ERMP1: variants seen among roughly 807,000 people sequenced by gnomAD.
ERMP1 encodes the protein endoplasmic reticulum metallopeptidase 1, also known as Felix-ina.
In ERMP1, 86 loss-of-function variants were observed where a neutral mutation model predicts 92.0. That is an observed-to-expected ratio of 0.93 (90% CI 0.79 to 1.12). The LOEUF (loss-of-function observed/expected upper bound fraction) is 1.12, where lower values mean the gene tolerates loss of function less well. Among genes scored for constraint, ERMP1 ranks in the 50% most tolerant of loss-of-function variants. The pLI is 0.00. For missense variants in ERMP1, 1,342 were observed against 1,116.3 expected (o/e 1.20, Z -2.88); for synonymous variants, 530 against 412.8 (o/e 1.28, Z -3.44).
chr9:5,797,946 A>G lies in ERMP1; in HGVS notation c.2271-14T>C. On this transcript the variant is annotated splice_polypyrimidine_tract_variant and intron_variant, in intron 12 of 14. Transcript: ENST00000339450. Reference sequence around the variant, plus strand: ...TACCAGTTTTTCCTATTTAGAAAGGAAGCTTCAGTTTTAGGGTGCTTTATT... The same window carrying G: ...TACCAGTTTTTCCTATTTAGAAAGGGAGCTTCAGTTTTAGGGTGCTTTATT... 1 of 1,544,610 alleles carries G rather than the reference A, an allele frequency of 6.5e-7. No homozygotes were observed. The highest frequency in any genetic ancestry group is 1.1e-5 in the South Asian group (1 of 89,280).
In ERMP1 at chr9:5,787,011, T is replaced by A; in HGVS notation, c.*133A>T. ...TATAGTGCTTGGCCCTGAAAAGCGT[T>A]AACCCAGAAAGCTCTTTGAACATAT... On this transcript the variant is annotated 3_prime_UTR_variant, in exon 15 of 15. Transcript: ENST00000339450. 1 of 918,322 alleles carries A rather than the reference T, an allele frequency of 1.1e-6. No individual in the cohort carries two copies. Among genetic ancestry groups the A allele is most frequent in the Non-Finnish European group, 1.6e-6 (1 of 625,442 alleles). The allele number at this position is 918,322 out of a possible 1,614,324, so 56.9% of individuals were successfully genotyped here.
intron 6 of ERMP1, among the ~76,000 whole-genome samples, chr9:5,843,993 C>G (rs1033951355): frequency 6.6e-6 from 1 of 152,130 alleles, no homozygotes; most frequent in Non-Finnish European, 1.5e-5. Flanking sequence ...CTGGCCAATA[C>G]CGGCACAGAC....
intron 5 of ERMP1, among the ~76,000 whole-genome samples, chr9:5,864,475 C>A (rs1412024234): frequency 1.3e-5 from 2 of 152,198 alleles, no homozygotes; most frequent in African/African-American, 2.4e-5. Flanking sequence ...ATTAATAGCA[C>A]TTTTGTTGAG....
chr9:5,797,475 C>T (rs1207765100), intron 13 of ERMP1, among the ~76,000 whole-genome samples: 1 of 152,004 alleles, frequency 6.6e-6, no homozygotes, highest in African/African-American at 2.4e-5. Context: ...TGGTGAAACC[C>T]TGTCTCTACT....
chr9:5,809,517 CAGTG>C (rs1163460645), intron 8 of ERMP1, among the ~76,000 whole-genome samples: 3 of 152,170 alleles, frequency 2.0e-5, no homozygotes, highest in African/African-American at 4.8e-5. Flanking sequence ...AAAGAAAAAA[CAGTG>C]AGGGAAAAAC....
intron 6 of ERMP1, among the ~76,000 whole-genome samples, chr9:5,859,253 C>G (rs1183182710): frequency 2.1e-5 from 2 of 93,996 alleles, no homozygotes; most frequent in South Asian, 4.4e-4. Context: ...GAATACTCTC[C>G]TTGGCAAAGA....
intron 14 of ERMP1, 28 bp downstream of exon 14, chr9:5,787,402 G>C (rs1362746564): frequency 6.2e-7 from 1 of 1,608,974 alleles, no homozygotes; most frequent in Non-Finnish European, 8.5e-7. Context: ...CCTAATCAAT[G>C]AAACAAACAA....
intron 4 of ERMP1, 52 bp downstream of exon 4, chr9:5,823,844 T>G: frequency 7.7e-7 from 1 of 1,291,222 alleles, no homozygotes; most frequent in South Asian, 1.3e-5. Flanking sequence ...AACTTTCTAC[T>G]TTTACAAAAA....
intron 6 of ERMP1, among the ~76,000 whole-genome samples, chr9:5,848,629 C>A (rs1245191939): frequency 6.6e-6 from 1 of 152,088 alleles, no homozygotes; most frequent in Non-Finnish European, 1.5e-5. Context: ...ATTTAGGGAA[C>A]TAATTATTTT....
upstream of ERMP1, among the ~76,000 whole-genome samples, chr9:5,835,461 T>A (rs1263203432): frequency 6.6e-6 from 1 of 152,220 alleles, no homozygotes; most frequent in Admixed American, 6.5e-5. Context: ...ATTAGGGTGA[T>A]CAGAGATGGT....
At chr9:5,842,267 T>C (rs1426996965) in intron 6 of ERMP1, among the ~76,000 whole-genome samples, 4 of 151,992 alleles carry the variant, frequency 2.6e-5, no homozygotes, top group Non-Finnish European at 5.9e-5. Context: ...AGAGTGATGA[T>C]TGGTGCATTT....
rs1373950544 is a variant in ERMP1, at chr9:5,809,619, G to C, written c.1548+392C>G. 2.0e-5 allele frequency among the ~76,000 whole-genome samples: 3 copies of C among 152,190 alleles called. No individual in the cohort carries two copies. In the South Asian group the frequency reaches 6.2e-4, roughly 32 times the overall value. On this transcript the variant is annotated intron_variant, in intron 8 of 14. Transcript: ENST00000339450. ...GTGTCAGACACTACCTAAGCACAGAGGATACAGAAATAAATAAAACAATCC... is the reference window on the plus strand; with the variant it reads ...GTGTCAGACACTACCTAAGCACAGACGATACAGAAATAAATAAAACAATCC...
chr9:5,829,791 A>G (rs1007310426), intron 2 of ERMP1, among the ~76,000 whole-genome samples: 5 of 152,238 alleles, frequency 3.3e-5, no homozygotes, highest in African/African-American at 1.2e-4. Context: ...TGAGGGGTTC[A>G]GCCAGATGCC....
At chr9:5,861,370 C>T (rs1172934221) in intron 5 of ERMP1, among the ~76,000 whole-genome samples, 2 of 152,058 alleles carry the variant, frequency 1.3e-5, no homozygotes, top group Non-Finnish European at 2.9e-5. Flanking sequence ...TACACTCTTT[C>T]TACTCAAGGT....
intron 4 of ERMP1, among the ~76,000 whole-genome samples, chr9:5,821,853 T>C (rs774466770): frequency 2.6e-5 from 4 of 152,226 alleles, no homozygotes; most frequent in African/African-American, 7.2e-5. Context: ...TTTTTCACAA[T>C]AGGAAAGAAG....
At chr9:5,802,481 T>C (rs1470274316) in intron 10 of ERMP1, among the ~76,000 whole-genome samples, 1 of 152,008 alleles carries the variant, frequency 6.6e-6, no homozygotes, top group African/African-American at 2.4e-5. Context: ...AACACTCAGG[T>C]TCAAGCGATT....
intron 4 of ERMP1, among the ~76,000 whole-genome samples, chr9:5,820,068 G>A (rs1829471907): frequency 6.6e-6 from 1 of 152,206 alleles, no homozygotes; most frequent in African/African-American, 2.4e-5. Context: ...GGGAAACTGA[G>A]TGGGCCGATC....
At chr9:5,826,411 T>A (rs899475613) in intron 2 of ERMP1, among the ~76,000 whole-genome samples, 2 of 152,340 alleles carry the variant, frequency 1.3e-5, no homozygotes, top group Non-Finnish European at 1.5e-5. Flanking sequence ...AAGAGCAAGC[T>A]AATGATACCT....
chr9:5,809,040 T>C (rs1423336232), intron 8 of ERMP1, among the ~76,000 whole-genome samples: 2 of 151,922 alleles, frequency 1.3e-5, no homozygotes, highest in African/African-American at 2.4e-5. Flanking sequence ...TTTCTTTTTT[T>C]TGAGACAGAA....
Sources: allele counts gnomAD v4.1 joint callset (sites outside exome capture counted in the v4.1 genomes callset), GRCh38; gene constraint gnomAD v4.1.1; transcripts MANE v1.5; gene names NCBI Gene and HGNC (gene_info 2026-07-23, HGNC 2026-07-21).